Variants in CASK observed in about 807,000 individuals in gnomAD.
CASK encodes the protein peripheral plasma membrane protein CASK.
Under a neutral mutation model 82.9 loss-of-function variants are expected in CASK, and 4 were observed. The observed-to-expected ratio is 0.05, with a 90% confidence interval of 0.02 to 0.11. CASK has a LOEUF of 0.11. Among genes scored for constraint, CASK ranks in the 10% least tolerant of loss-of-function variants. The probability of loss-of-function intolerance (pLI) is 1.00; values close to 1 mark genes in which losing one functional copy is unlikely to be tolerated. For synonymous variants in CASK, 259 were observed against 253.5 expected (o/e 1.02, Z -0.20); for missense variants, 358 against 720.9 (o/e 0.50, Z 5.76).
At chrX:41,812,537 A>G (rs745369325) in intron 2 of CASK, among the ~76,000 whole-genome samples, 3 of 111,709 alleles carry the variant, frequency 2.7e-5, no homozygotes, top group Non-Finnish European at 5.6e-5. Context: ...ACAAAATTCA[A>G]CAGCCCTTCA....
At chrX:41,869,812 C>CAAAAAAAAAAAAA (rs72190097) in intron 1 of CASK, among the ~76,000 whole-genome samples, 6 of 12,114 alleles carry the variant, frequency 5.0e-4, no homozygotes, top group East Asian at 4.5e-3. Context: ...GACTCTGTCT[C>CAAAAAAAAAAAAA]AAAAAAAAAA....
intron 5 of CASK, among the ~76,000 whole-genome samples, chrX:41,705,846 C>G (rs773583528): frequency 9.0e-6 from 1 of 111,693 alleles, no homozygotes; most frequent in Admixed American, 9.5e-5. Context: ...CATTTCCTGC[C>G]TTGTCCTGTG....
chrX:41,520,171 T>C lies in CASK; in HGVS notation c.*249A>G, dbSNP rs1265919185. On this transcript the variant is annotated 3_prime_UTR_variant, in exon 27 of 27. Transcript: ENST00000378163. ...TATAACATTCCAAAGGATTGAATAA[T>C]ACATACATTTAAAGATACATTTTAT... 6.3e-6 allele frequency: 2 copies of C among 319,123 alleles called. No homozygotes were observed. The allele number at this position is 319,123 out of a possible 1,213,427, so 26.3% of individuals were successfully genotyped here.
In CASK at chrX:41,571,200, CT is replaced by C. The variant is rs748756805; in HGVS notation, c.1504-1455del. ...TTCTAGGATGAGCTGGGAAAAATTC[CT>C]TTTTTTTCAATGTTTTGAAAAGAGT... On this transcript the variant is annotated intron_variant, in intron 15 of 26. Transcript: ENST00000378163. Among the ~76,000 whole-genome samples, 395 of 110,782 alleles carry C rather than the reference CT, an allele frequency of 3.6e-3. 2 individuals are homozygous for C. Among genetic ancestry groups the C allele is most frequent in the African/African-American group, 0.013 (383 of 30,573 alleles).
intron 1 of CASK, among the ~76,000 whole-genome samples, chrX:41,858,557 G>A (rs1356402281): frequency 1.8e-5 from 2 of 111,306 alleles, no homozygotes; most frequent in African/African-American, 3.3e-5. Context: ...GCACTACAGC[G>A]GAAATGTCCT....
intron 9 of CASK, among the ~76,000 whole-genome samples, chrX:41,634,846 A>C (rs1400545421): frequency 1.8e-5 from 2 of 112,414 alleles, no homozygotes; most frequent in African/African-American, 6.5e-5. Context: ...AAAAAGAATA[A>C]AAGTTTTGGG....
intron 14 of CASK, chrX:41,584,981 A>C (rs2065635544): frequency 8.9e-6 from 1 of 112,757 alleles, no homozygotes; most frequent in Non-Finnish European, 1.9e-5. Context: ...AGATAAGCTC[A>C]ATGAGAACAA....
chrX:41,836,089 C>T (rs748952001), intron 2 of CASK, among the ~76,000 whole-genome samples: 1 of 111,484 alleles, frequency 9.0e-6, no homozygotes, highest in South Asian at 3.7e-4. Flanking sequence ...TTTGCTAAAA[C>T]AGTACTCATA....
At chrX:41,904,902 T>A (rs934177739) in intron 1 of CASK, among the ~76,000 whole-genome samples, 1 of 111,933 alleles carries the variant, frequency 8.9e-6, no homozygotes, top group African/African-American at 3.2e-5. Context: ...TCCATCTATG[T>A]TACTGCAAAG....
chrX:41,785,129 C>T lies in CASK; in HGVS notation c.278+2049G>A, dbSNP rs186376676. Among the ~76,000 whole-genome samples, 134 of 106,851 alleles carry T rather than the reference C, an allele frequency of 1.3e-3. 2 individuals are homozygous for T. The highest frequency in any genetic ancestry group is 4.4e-3 in the African/African-American group (130 of 29,289). 92.8% of individuals were successfully genotyped at this position (106,851 alleles called of 115,157 possible). On this transcript the variant is annotated intron_variant, in intron 3 of 26. Transcript: ENST00000378163. ...TCAGGTGATTCTCCAACCTCAGCCT[C>T]CCAAGTAACTGGGACTACAGGCGTG... is the stretch of plus-strand genomic sequence containing the variant.
At chrX:41,776,076 A>T (rs1179319537) in intron 3 of CASK, among the ~76,000 whole-genome samples, 1 of 112,291 alleles carries the variant, frequency 8.9e-6, no homozygotes, top group Non-Finnish European at 1.9e-5. Flanking sequence ...ACAACAAAAA[A>T]GTATAGTATA....
intron 3 of CASK, among the ~76,000 whole-genome samples, chrX:41,752,543 G>A (rs780027863): frequency 5.4e-5 from 6 of 111,086 alleles, no homozygotes; most frequent in Admixed American, 1.9e-4. Flanking sequence ...CCTCTGCCTC[G>A]GCCTCCCAAA....
At chrX:41,805,213 G>C (rs563153375) in intron 2 of CASK, among the ~76,000 whole-genome samples, 1 of 111,858 alleles carries the variant, frequency 8.9e-6, no homozygotes, top group Non-Finnish European at 1.9e-5. Context: ...AATGTCATTA[G>C]TTGCAATGCC....
At chrX:41,668,952 C>A (rs2067156468) in intron 6 of CASK, among the ~76,000 whole-genome samples, 1 of 110,833 alleles carries the variant, frequency 9.0e-6, no homozygotes, top group Non-Finnish European at 1.9e-5. Context: ...TGGTCTTGAA[C>A]TCCTGGGCTC....
rs1164186241 is a variant in CASK at position 41,615,690 on chromosome X, C to T, written c.1034-5665G>A. Among the ~76,000 whole-genome samples the T allele has an allele frequency of 7.3e-5, 8 of 109,111 alleles. No homozygotes were observed. In the South Asian group the frequency reaches 1.2e-3, roughly 17 times the overall value. The allele number at this position is 109,111 out of a possible 115,157, so 94.7% of individuals were successfully genotyped here. On this transcript the variant is annotated intron_variant, in intron 11 of 26. Coordinates refer to ENST00000378163, the MANE Select transcript of CASK (RefSeq NM_001367721.1). ...CTCTGTCACCCAGACTGGAGTACAA[C>T]GGCATGATCTCAGCTCACTGCAACC...
intron 8 of CASK, among the ~76,000 whole-genome samples, chrX:41,637,378 CTTTTTTTTTTTTTTTTT>C (rs758261036): frequency 8.1e-5 from 3 of 36,893 alleles, no homozygotes; most frequent in African/African-American, 3.9e-4. Context: ...TTAGGACACG[CTTTTTTTTTTTTTTTTT>C]TTTTTTTTTT....
chrX:41,605,073 AAAG>A (rs35488442), intron 12 of CASK, among the ~76,000 whole-genome samples: 2,922 of 112,282 alleles, frequency 0.026, 101 homozygotes, highest in African/African-American at 0.09. Flanking sequence ...TAGAAAAAAT[AAAG>A]AAGTCATAGA....
chrX:41,753,678 G>GAGTT (rs2068836672), intron 3 of CASK, among the ~76,000 whole-genome samples: 1 of 111,985 alleles, frequency 8.9e-6, no homozygotes, highest in East Asian at 2.8e-4. Flanking sequence ...TTGAGGCCAG[G>GAGTT]AGTTCGATAT....
intron 1 of CASK, among the ~76,000 whole-genome samples, chrX:41,905,617 A>G (rs1172918247): frequency 2.7e-5 from 3 of 113,197 alleles, no homozygotes; most frequent in African/African-American, 9.6e-5. Flanking sequence ...AATATAAAGC[A>G]GACGGCAGGA....
Sources: allele counts gnomAD v4.1 joint callset (sites outside exome capture counted in the v4.1 genomes callset), GRCh38; gene constraint gnomAD v4.1.1; transcripts MANE v1.5; gene names NCBI Gene and HGNC (gene_info 2026-07-23, HGNC 2026-07-21).